NAALADL2: variants seen among roughly 807,000 people sequenced by gnomAD.
NAALADL2 encodes inactive N-acetylated-alpha-linked acidic dipeptidase-like protein 2.
Under a neutral mutation model 87.2 loss-of-function variants are expected in NAALADL2, and 76 were observed. The observed-to-expected ratio is 0.87, with a 90% CI of 0.72 to 1.05. NAALADL2 has a LOEUF of 1.05. NAALADL2 is among the 50% of genes least tolerant of loss of function. NAALADL2 has a pLI of 0.00. For missense variants in NAALADL2, 1,089 were observed against 945.8 expected, an observed-to-expected ratio of 1.15 and a Z score of -1.99; for synonymous variants, 354 against 331.0, an observed-to-expected ratio of 1.07 and a Z score of -0.75.
At chr3:175,016,318 A>G (rs1211215436) in intron 1 of NAALADL2, among the ~76,000 whole-genome samples, 2 of 150,032 alleles carry the variant, frequency 1.3e-5, no homozygotes, top group East Asian at 3.9e-4. Flanking sequence ...TAGTATATCC[A>G]TATATGAGAA....
At chr3:175,464,538 CTGT>C (rs2149271973) in intron 7 of NAALADL2, among the ~76,000 whole-genome samples, 1 of 152,224 alleles carries the variant, frequency 6.6e-6, no homozygotes, top group South Asian at 2.1e-4. Context: ...TCTAATGTGC[CTGT>C]TATACAGTGT....
Position 174,713,892 on chromosome 3 carries a change from T to A in NAALADL2, c.-114-23749T>A, listed in dbSNP as rs548397506. Among the ~76,000 whole-genome samples the A allele has an allele frequency of 3.6e-4, 55 of 152,182 alleles. 1 individual carries two copies. The Middle Eastern group carries it at 0.014, about 38-fold the overall frequency. On this transcript the variant is annotated intron_variant, in intron 2 of 3. Coordinates refer to the NAALADL2 transcript ENST00000434257. Reference sequence around the variant, plus strand: ...TCCTTGCCCATGCCTATGTCCTGAATGGTATTGCCTAGGTTTTCTTCTAGG... The same window carrying A: ...TCCTTGCCCATGCCTATGTCCTGAAAGGTATTGCCTAGGTTTTCTTCTAGG...
chr3:174,856,876 T>C (rs907682175), upstream of NAALADL2, among the ~76,000 whole-genome samples: 2 of 152,162 alleles, frequency 1.3e-5, no homozygotes, highest in Admixed American at 6.6e-5. Context: ...AATTGCTTAG[T>C]TAAGATGGAA....
intron 1 of NAALADL2, among the ~76,000 whole-genome samples, chr3:174,885,777 T>G (rs1730018142): frequency 6.6e-6 from 1 of 150,788 alleles, no homozygotes; most frequent in Non-Finnish European, 1.5e-5. Flanking sequence ...TATAATATAG[T>G]CTAGCAGTAA....
chr3:175,197,673 C>G (rs954596378), intron 2 of NAALADL2, among the ~76,000 whole-genome samples: 1 of 151,946 alleles, frequency 6.6e-6, no homozygotes, highest in South Asian at 2.1e-4. Flanking sequence ...ACTCTATACA[C>G]CAGGCATTCT....
intron 3 of NAALADL2, among the ~76,000 whole-genome samples, chr3:174,752,264 C>G (rs1578787982): frequency 6.6e-6 from 1 of 152,180 alleles, no homozygotes. Context: ...GTGTGAGCCA[C>G]CGCGCCCGGC....
rs1351069197 is a variant in NAALADL2, at chr3:175,806,963, AT to A, written c.*3761del. On this transcript the variant is annotated 3_prime_UTR_variant, in exon 14 of 14. Transcript: ENST00000454872. ...TGGAGTCTGTCACTTTTTTGGTATA[AT>A]AAAGGAGTTTGAAGAAACAAATGAC... 2.0e-5 allele frequency: 3 copies of A among 151,766 alleles called. No individual in the cohort carries two copies. The allele number at this position is 151,766 out of a possible 1,614,324, so 9.4% of individuals were successfully genotyped here.
chr3:175,615,413 CAT>C (rs1725204232), intron 10 of NAALADL2, among the ~76,000 whole-genome samples: 1 of 152,070 alleles, frequency 6.6e-6, no homozygotes, highest in Non-Finnish European at 1.5e-5. Context: ...AAGAATTTTA[CAT>C]ATATTGTGTC....
chr3:174,819,365 A>T (rs1470213264), intron 3 of NAALADL2, among the ~76,000 whole-genome samples: 2 of 145,114 alleles, frequency 1.4e-5, no homozygotes, highest in Non-Finnish European at 3.0e-5. Flanking sequence ...GTGCGTGGCT[A>T]ATATATTTAT....
At chr3:174,883,526 A>G (rs892613830) in intron 1 of NAALADL2, among the ~76,000 whole-genome samples, 2 of 152,220 alleles carry the variant, frequency 1.3e-5, no homozygotes, top group African/African-American at 2.4e-5. Context: ...TGTGAAGTCA[A>G]TAAATCTTAT....
intron 1 of NAALADL2, among the ~76,000 whole-genome samples, chr3:174,905,756 T>A (rs1386475376): frequency 6.6e-6 from 1 of 152,022 alleles, no homozygotes; most frequent in Non-Finnish European, 1.5e-5. Flanking sequence ...ATCTCTATTG[T>A]GGTATCTGAT....
chr3:175,579,195 A>G (rs1181453175), intron 10 of NAALADL2, among the ~76,000 whole-genome samples: 1 of 93,346 alleles, frequency 1.1e-5, no homozygotes, highest in East Asian at 4.0e-4. Context: ...TCTTAGAATT[A>G]CTATTATCTA....
intron 11 of NAALADL2, among the ~76,000 whole-genome samples, chr3:175,664,720 G>C (rs192365967): frequency 7.8e-4 from 118 of 152,110 alleles, no homozygotes; most frequent in African/African-American, 2.7e-3. Flanking sequence ...CTTTTCACCT[G>C]TTCCTTCTCA....
rs1738316440 is a variant in NAALADL2, at chr3:175,698,327, G to GTATGTATACATATA, written c.1897-38974_1897-38973insATACATATATATGT. Among the ~76,000 whole-genome samples, 10 of 59,766 alleles carry GTATGTATACATATA rather than the reference G, an allele frequency of 1.7e-4. 2 individuals carry two copies. The highest frequency in any genetic ancestry group is 3.0e-4 in the Non-Finnish European group (10 of 33,830). The allele number at this position is 59,766 out of a possible 152,430, so 39.2% of individuals were successfully genotyped here. ...TGTGTATATATGTATGTGTATTTAT[G>GTATGTATACATATA]TATGTGTATATATGTATGTGTATTT... On this transcript the variant is annotated intron_variant, in intron 11 of 13. Coordinates refer to ENST00000454872, the MANE Select transcript of NAALADL2 (RefSeq NM_207015.3).
At chr3:174,918,987 T>G (rs1734781535) in intron 1 of NAALADL2, among the ~76,000 whole-genome samples, 1 of 152,000 alleles carries the variant, frequency 6.6e-6, no homozygotes, top group African/African-American at 2.4e-5. Flanking sequence ...TCGGTGCATA[T>G]AAATGTTATG....
intron 4 of NAALADL2, among the ~76,000 whole-genome samples, chr3:175,302,943 G>T (rs965310866): frequency 2.0e-5 from 3 of 151,842 alleles, no homozygotes; most frequent in African/African-American, 4.8e-5. Context: ...AAGAGGAAGA[G>T]AAAAATTATG....
chr3:174,444,863 A>C (rs1440190064), intron 1 of NAALADL2, among the ~76,000 whole-genome samples: 3 of 152,196 alleles, frequency 2.0e-5, no homozygotes, highest in Admixed American at 1.3e-4. Flanking sequence ...TTGGCAACAA[A>C]TATCATTTGA....
intron 5 of NAALADL2, among the ~76,000 whole-genome samples, chr3:175,381,414 T>G (rs564075508): frequency 1.8e-4 from 28 of 151,892 alleles, no homozygotes; most frequent in Admixed American, 6.6e-4. Flanking sequence ...TTTTCTCTAT[T>G]TAATAATTCC....
intron 6 of NAALADL2, among the ~76,000 whole-genome samples, chr3:175,459,760 A>AC (rs1722837982): frequency 1.3e-5 from 2 of 152,062 alleles, no homozygotes; most frequent in Non-Finnish European, 2.9e-5. Context: ...TTTGTTCAAG[A>AC]CTTTTTACAA....
Sources: gnomAD v4.1 joint callset for allele counts (sites outside exome capture counted in the v4.1 genomes callset) on GRCh38, gnomAD v4.1.1 for gene constraint, MANE v1.5 for transcripts, NCBI Gene and HGNC (gene_info 2026-07-23, HGNC 2026-07-21) for gene names.